ELP4: variants seen among roughly 807,000 people sequenced by gnomAD.
ELP4 encodes the protein elongator complex protein 4.
Under a neutral mutation model 48.9 loss-of-function variants are expected in ELP4, and 51 were observed. The ratio of observed to expected loss-of-function variants is 1.04; its 90% confidence interval spans 0.83 to 1.32. The LOEUF is 1.32. Ranked by LOEUF, ELP4 falls within the 40% of genes most tolerant of loss-of-function variation. The pLI is 0.00. For synonymous variants in ELP4, 210 were observed against 189.2 expected (o/e 1.11, Z -0.90); for missense variants, 519 against 514.6 (o/e 1.01, Z -0.08).
intron 3 of ELP4, among the ~76,000 whole-genome samples, chr11:31,545,771 G>C (rs6484507): frequency 0.64 from 96,999 of 151,824 alleles, 32,813 homozygotes; most frequent in African/African-American, 0.87. Flanking sequence ...GCCCATCAGA[G>C]TAACAGCGGA....
intron 9 of ELP4, among the ~76,000 whole-genome samples, chr11:31,755,856 C>T (rs898559642): frequency 6.6e-6 from 1 of 151,924 alleles, no homozygotes; most frequent in Admixed American, 6.6e-5. Context: ...TCTTTGATAC[C>T]TCCCTTTTTC....
At chr11:31,697,564 T>A (rs531725786) in intron 9 of ELP4, among the ~76,000 whole-genome samples, 2 of 152,280 alleles carry the variant, frequency 1.3e-5, no homozygotes, top group Admixed American at 1.3e-4. Flanking sequence ...GATGATGACA[T>A]TCTGTAAATA....
chr11:31,570,069 A>T (rs1170333598), intron 3 of ELP4, among the ~76,000 whole-genome samples: 1 of 152,194 alleles, frequency 6.6e-6, no homozygotes, highest in Non-Finnish European at 1.5e-5. Flanking sequence ...ATGTATATAC[A>T]TTGTAGCACT....
chr11:31,529,737 G>A (rs1956362924), intron 2 of ELP4, among the ~76,000 whole-genome samples: 1 of 151,850 alleles, frequency 6.6e-6, no homozygotes, highest in Non-Finnish European at 1.5e-5. Context: ...AACAAACACA[G>A]CTAGAAGAAT....
chr11:31,741,208 G>A (rs1221855580), intron 9 of ELP4, among the ~76,000 whole-genome samples: 4 of 152,228 alleles, frequency 2.6e-5, no homozygotes, highest in African/African-American at 4.8e-5. Flanking sequence ...GCCCGCCATA[G>A]CCGAGTTAGT....
At chr11:31,671,374 G>A (rs1219257590) in intron 9 of ELP4, among the ~76,000 whole-genome samples, 1 of 152,058 alleles carries the variant, frequency 6.6e-6, no homozygotes, top group East Asian at 1.9e-4. Flanking sequence ...CCATTAGAAA[G>A]TATTTAAGGT....
intron 2 of ELP4, among the ~76,000 whole-genome samples, 155 bp from the exon 3 acceptor site, chr11:31,539,507 C>G (rs543496738): frequency 9.2e-5 from 14 of 152,326 alleles, no homozygotes; most frequent in South Asian, 6.2e-4. Context: ...CTTAGCCTAT[C>G]TATCTATGCC....
At chr11:31,589,653 A>G (rs1957536619) in intron 3 of ELP4, among the ~76,000 whole-genome samples, 1 of 152,218 alleles carries the variant, frequency 6.6e-6, no homozygotes. Flanking sequence ...AATTGTATAT[A>G]GATGATACCA....
intron 3 of ELP4, among the ~76,000 whole-genome samples, chr11:31,547,868 A>G (rs945175720): frequency 2.6e-5 from 4 of 152,232 alleles, no homozygotes; most frequent in Non-Finnish European, 5.9e-5. Flanking sequence ...GCATATAAAC[A>G]GAACCAAAGA....
intron 9 of ELP4, among the ~76,000 whole-genome samples, chr11:31,700,814 A>C (rs1946505780): frequency 6.6e-6 from 1 of 152,090 alleles, no homozygotes; most frequent in African/African-American, 2.4e-5. Context: ...ACCCAATGAG[A>C]ATATAAGAAT....
In ELP4 at chr11:31,520,074, G is replaced by A; in HGVS notation, c.242G>A (p.Gly81Glu). The A allele has an allele frequency of 6.2e-7, 1 of 1,612,676 alleles. No homozygotes were observed. Among genetic ancestry groups the A allele is most frequent in the Non-Finnish European group, 8.5e-7 (1 of 1,179,506 alleles). Residue 81 changes from glycine (G) to glutamate (E), a missense_variant, in exon 2 of 10, where the codon GGA becomes GAA. Transcript: ENST00000640961. Reference sequence around the variant, plus strand: ...TTTCCAGGTGGAGGTTTAGCCGTTGGAACAGTTCTTCTAATTGGTTAGTAC... The same window carrying A: ...TTTCCAGGTGGAGGTTTAGCCGTTGAAACAGTTCTTCTAATTGGTTAGTAC... The part of the protein sequence containing the change: ...DQLLGGGLAV[G>E]TVLLIEEDKY...
chr11:31,637,921 G>T (rs1271431351), intron 7 of ELP4, among the ~76,000 whole-genome samples: 1 of 151,846 alleles, frequency 6.6e-6, no homozygotes, highest in Non-Finnish European at 1.5e-5. Context: ...GAGGTGAAAA[G>T]AAAATAAATT....
intron 9 of ELP4, among the ~76,000 whole-genome samples, chr11:31,751,273 T>A (rs928977403): frequency 2.6e-5 from 4 of 152,244 alleles, no homozygotes; most frequent in African/African-American, 9.6e-5. Flanking sequence ...AGGGCTTAAT[T>A]TATTTCATGC....
Position 31,590,459 on chromosome 11 carries a change from T to C in ELP4, c.382-4311T>C, listed in dbSNP as rs189225346. 1.7e-3 allele frequency among the ~76,000 whole-genome samples: 264 copies of C among 152,322 alleles called. 1 individual carries two copies. In the Middle Eastern group the frequency reaches 0.02, roughly 12 times the overall value. ...AGCTAAATTTAAGAATTAAAATCCTTAGAAGAAAACATAAGTATAAACCTT... is the reference window on the plus strand; with the variant it reads ...AGCTAAATTTAAGAATTAAAATCCTCAGAAGAAAACATAAGTATAAACCTT... On this transcript the variant is annotated intron_variant, in intron 3 of 9. Transcript: ENST00000640961.
intron 9 of ELP4, among the ~76,000 whole-genome samples, chr11:31,679,660 G>A (rs192793865): frequency 1.4e-4 from 22 of 152,236 alleles, no homozygotes; most frequent in Admixed American, 1.2e-3. Flanking sequence ...GAGATACTAT[G>A]CGTAAGGGCT....
intron 2 of ELP4, among the ~76,000 whole-genome samples, chr11:31,538,336 T>G (rs1442308097): frequency 6.7e-6 from 1 of 148,296 alleles, no homozygotes; most frequent in Non-Finnish European, 1.5e-5. Flanking sequence ...TTATAATTAC[T>G]CTATTATATT....
At chr11:31,608,718 G>A (rs1957923407) in intron 5 of ELP4, among the ~76,000 whole-genome samples, 1 of 152,118 alleles carries the variant, frequency 6.6e-6, no homozygotes, top group African/African-American at 2.4e-5. Flanking sequence ...GAGTGGGGCA[G>A]TGAAGCATGA....
At chr11:31,742,308 T>G (rs1275325001) in intron 9 of ELP4, among the ~76,000 whole-genome samples, 1 of 152,210 alleles carries the variant, frequency 6.6e-6, no homozygotes. Flanking sequence ...TGGAACCAAG[T>G]TGGAAAACAC....
Position 31,607,475 on chromosome 11 carries a change from G to A in ELP4, c.653+3568G>A, listed in dbSNP as rs1957897532. Among the ~76,000 whole-genome samples, 3 of 152,180 alleles carry A rather than the reference G, an allele frequency of 2.0e-5. No individual in the cohort carries two copies. The South Asian group carries it at 6.2e-4, about 32-fold the overall frequency. On this transcript the variant is annotated intron_variant, in intron 5 of 9. Transcript: ENST00000640961. ...ATGATGTGTTCTCACATGGCAGAAT[G>A]TGAAAGGGCAAGCTAGCCAAAATGC...
Sources: allele counts gnomAD v4.1 joint callset (sites outside exome capture counted in the v4.1 genomes callset), GRCh38; gene constraint gnomAD v4.1.1; transcripts MANE v1.5; gene names NCBI Gene and HGNC (gene_info 2026-07-23, HGNC 2026-07-21).